The following IPCEF1 variants were observed in gnomAD, a reference collection of about 807,000 sequenced individuals.
IPCEF1 encodes interactor protein for cytohesin exchange factors 1.
A neutral mutation model predicts 50.9 loss-of-function variants in IPCEF1; 31 were observed. The ratio of observed to expected loss-of-function variants is 0.61; its 90% CI spans 0.46 to 0.82. The LOEUF is 0.82. IPCEF1 is among the 40% of genes least tolerant of loss of function. The pLI is 0.00. For synonymous variants in IPCEF1, 181 were observed against 192.0 expected, an observed-to-expected ratio of 0.94 and a Z score of 0.47; for missense variants, 458 against 514.0, an observed-to-expected ratio of 0.89 and a Z score of 1.05.
At chr6:154,161,179 C>T (rs1253070297) in intron 11 of IPCEF1, among the ~76,000 whole-genome samples, 1 of 151,914 alleles carries the variant, frequency 6.6e-6, no homozygotes, top group African/African-American at 2.4e-5. Flanking sequence ...GAACACTTTC[C>T]AGTCTTTCTT....
intron 1 of IPCEF1, among the ~76,000 whole-genome samples, chr6:154,328,426 G>A (rs947055947): frequency 2.4e-4 from 37 of 151,914 alleles, no homozygotes; most frequent in Non-Finnish European, 5.3e-4. Context: ...ACCTGTTAAC[G>A]TATTAGCAGC....
chr6:154,182,978 TTTTTTTTTTC>T (rs200357828), intron 10 of IPCEF1, among the ~76,000 whole-genome samples: 8,902 of 131,982 alleles, frequency 0.067, 306 homozygotes, highest in African/African-American at 0.12. Flanking sequence ...TGCCCTTATC[TTTTTTTTTTC>T]TTTTTTTTTG....
At chr6:154,329,432 C>T (rs1385775121) in intron 1 of IPCEF1, among the ~76,000 whole-genome samples, 2 of 151,354 alleles carry the variant, frequency 1.3e-5, no homozygotes, top group African/African-American at 2.4e-5. Context: ...TCTGCCTCTA[C>T]AAAAAATAAA....
intron 10 of IPCEF1, among the ~76,000 whole-genome samples, chr6:154,172,820 C>T (rs147451436): frequency 2.1e-3 from 313 of 152,354 alleles, no homozygotes; most frequent in African/African-American, 6.9e-3. Flanking sequence ...TCTCCCAGCA[C>T]GGCATTCGAT....
intron 1 of IPCEF1, among the ~76,000 whole-genome samples, chr6:154,353,090 T>G (rs1784144740): frequency 6.6e-6 from 1 of 152,124 alleles, no homozygotes; most frequent in Non-Finnish European, 1.5e-5. Flanking sequence ...ACTTCAGAGT[T>G]GACACATGAT....
chr6:154,214,404 A>G (rs1393118559), intron 7 of IPCEF1, 128 bp from the exon 8 acceptor site: 11 of 752,090 alleles, frequency 1.5e-5, no homozygotes, highest in East Asian at 1.0e-4. Context: ...CAGAAAGAGC[A>G]TAAGTTTGTG....
chr6:154,297,198 C>G (rs1180697593), intron 1 of IPCEF1, among the ~76,000 whole-genome samples: 2 of 152,236 alleles, frequency 1.3e-5, no homozygotes, highest in East Asian at 3.9e-4. Flanking sequence ...CACCACCACA[C>G]CTAGCTAATG....
chr6:154,169,792 A>C (rs1308758714), intron 10 of IPCEF1, among the ~76,000 whole-genome samples: 1 of 152,248 alleles, frequency 6.6e-6, no homozygotes, highest in Non-Finnish European at 1.5e-5. Context: ...TTCTGGCCAC[A>C]GTCACTGATT....
At chr6:154,167,276 T>C (rs1248894842) in intron 11 of IPCEF1, among the ~76,000 whole-genome samples, 3 of 152,228 alleles carry the variant, frequency 2.0e-5, no homozygotes, top group African/African-American at 7.2e-5. Flanking sequence ...TGAAGAACCA[T>C]TTCAGCTCAG....
At chr6:154,351,282 T>G (rs1784115151) in intron 1 of IPCEF1, among the ~76,000 whole-genome samples, 1 of 152,230 alleles carries the variant, frequency 6.6e-6, no homozygotes, top group African/African-American at 2.4e-5. Context: ...GAGGGATCTT[T>G]GTGGTGACGG....
rs554798047 is a variant in IPCEF1 at position 154,254,948 on chromosome 6, T to C, written c.37-7460A>G. ...ACATGCAATTTCTCTGATGTTTAAT[T>C]TAGTATTTCTAAATTCACCATAAAT... On this transcript the variant is annotated intron_variant, in intron 3 of 11. Transcript: ENST00000367220. Among the ~76,000 whole-genome samples the C allele has an allele frequency of 7.9e-5, 12 of 152,330 alleles. No individual in the cohort carries two copies. In the East Asian group the frequency reaches 2.3e-3, roughly 29 times the overall value.
intron 1 of IPCEF1, among the ~76,000 whole-genome samples, chr6:154,340,911 G>A (rs201907994): frequency 9.4e-6 from 1 of 106,238 alleles, no homozygotes; most frequent in Non-Finnish European, 1.9e-5. Flanking sequence ...ATATATATAT[G>A]TGTGTATATA....
At chr6:154,165,257 C>T (rs1464611758) in intron 11 of IPCEF1, among the ~76,000 whole-genome samples, 2 of 152,160 alleles carry the variant, frequency 1.3e-5, no homozygotes, top group South Asian at 2.1e-4. Flanking sequence ...AGGACCCGCA[C>T]CCAGCACTCA....
chr6:154,356,371 G>A (rs1025824219), intron 1 of IPCEF1, among the ~76,000 whole-genome samples: 4 of 152,166 alleles, frequency 2.6e-5, no homozygotes, highest in Middle Eastern at 3.2e-3. Flanking sequence ...ATGCTGAATT[G>A]TGCTTTTCTA....
chr6:154,217,186 C>A, intron 7 of IPCEF1: 1 of 164,412 alleles, frequency 6.1e-6, no homozygotes, highest in Non-Finnish European at 1.3e-5. Context: ...GGTGGCCCAA[C>A]AAGAATGCTG....
chr6:154,332,827 C>T (rs946583634), intron 1 of IPCEF1, among the ~76,000 whole-genome samples: 2 of 152,150 alleles, frequency 1.3e-5, no homozygotes, highest in African/African-American at 4.8e-5. Flanking sequence ...AGGCACATTA[C>T]AAGGTCAGAG....
chr6:154,260,863 A>G (rs2350877), intron 3 of IPCEF1, among the ~76,000 whole-genome samples: 88,460 of 151,968 alleles, frequency 0.58, 26,090 homozygotes, highest in South Asian at 0.76. Flanking sequence ...ATAAAAGAAA[A>G]CCAAGCAATC....
At chr6:154,180,412 A>ATTTTT (rs1301879776) in intron 10 of IPCEF1, among the ~76,000 whole-genome samples, 1 of 50,808 alleles carries the variant, frequency 2.0e-5, no homozygotes, top group African/African-American at 8.1e-5. Flanking sequence ...ATATATATAT[A>ATTTTT]TATTTTTTTT....
chr6:154,270,754 T>C (rs978521945), intron 2 of IPCEF1, among the ~76,000 whole-genome samples: 3 of 152,056 alleles, frequency 2.0e-5, no homozygotes, highest in African/African-American at 7.2e-5. Context: ...GGTGGGCAAA[T>C]AGCTTGAGAT....
Sources: gnomAD v4.1 joint callset for allele counts (sites outside exome capture counted in the v4.1 genomes callset) on GRCh38, gnomAD v4.1.1 for gene constraint, MANE v1.5 for transcripts, NCBI Gene and HGNC (gene_info 2026-07-23, HGNC 2026-07-21) for gene names.